DCX: variants seen among roughly 807,000 people sequenced by gnomAD.
DCX encodes doublecortin.
DCX carries 4 observed loss-of-function variants against 20.9 expected under a neutral mutation model. That is an observed-to-expected ratio of 0.19 (90% CI 0.09 to 0.44). DCX has a LOEUF of 0.44. Ranked by LOEUF, DCX falls within the 20% of genes least tolerant of loss-of-function variation. The pLI is 0.99. For missense variants in DCX, 133 were observed against 296.9 expected (o/e 0.45, Z 4.06); for synonymous variants, 103 against 111.4 (o/e 0.92, Z 0.47).
At chrX:111,384,189 A>G (rs981066297) in intron 3 of DCX, among the ~76,000 whole-genome samples, 1 of 111,632 alleles carries the variant, frequency 9.0e-6, no homozygotes, top group Non-Finnish European at 1.9e-5. Flanking sequence ...AACATTTCAG[A>G]AATATTGCCC....
rs780264779 is a variant in DCX at position 111,301,604 on chromosome X, C to T, written c.*83G>A. On this transcript the variant is annotated 3_prime_UTR_variant, in exon 7 of 7. Transcript: ENST00000636035. ...ATAAAAACTTGAAAGCACCAATAGC[C>T]CTGTTGGACACTTGAGCAGAAGTAC... The T allele has an allele frequency of 1.8e-5, 17 of 932,807 alleles. No individual in the cohort carries two copies. The South Asian group carries it at 2.7e-4, about 15-fold the overall frequency. The allele number at this position is 932,807 out of a possible 1,213,427, so 76.9% of individuals were successfully genotyped here.
chrX:111,316,086 T>TAAAAAAAAAAAAA (rs754058802), intron 5 of DCX, among the ~76,000 whole-genome samples: 4 of 50,645 alleles, frequency 7.9e-5, no homozygotes, highest in Admixed American at 2.3e-4. Flanking sequence ...TAATAAAAAA[T>TAAAAAAAAAAAAA]AAAAAAAAAA....
At position 111,410,343 on chromosome X, in the gene DCX, C is replaced by T. The variant is rs1928603936; in HGVS notation, c.56G>A (p.Arg19Gln). ...DERDKTSRNM[R>Q]GSRMNGLPSP... ...AGGCAACCCATTCATCCGGGAGCCTCGCATGTTCCTGGATGTCTTATCTCT... is the reference window on the plus strand; with the variant it reads ...AGGCAACCCATTCATCCGGGAGCCTTGCATGTTCCTGGATGTCTTATCTCT... Residue 19 changes from arginine (R) to glutamine (Q), a missense_variant, in exon 2 of 7, where the codon CGA becomes CAA. By Grantham distance (43) the Arg-to-Gln change is conservative (BLOSUM62 1). This residue lies in a region of DCX where 65 missense variants were observed against 212.6 expected (regional missense o/e 0.31). Transcript: ENST00000636035. 8.3e-7 allele frequency: 1 copy of T among 1,209,012 alleles called. No individual in the cohort carries two copies. Among genetic ancestry groups the T allele is most frequent in the African/African-American group, 1.8e-5 (1 of 56,861 alleles).
At chrX:111,375,363 G>A (rs1245275027) in intron 3 of DCX, among the ~76,000 whole-genome samples, 1 of 111,174 alleles carries the variant, frequency 9.0e-6, no homozygotes, top group African/African-American at 3.3e-5. Context: ...TGGGGGAAAG[G>A]TACATGGTAG....
rs1037518425 is a variant in DCX at position 111,299,258 on chromosome X, C to T, written c.*2429G>A. On this transcript the variant is annotated 3_prime_UTR_variant, in exon 7 of 7. Coordinates refer to ENST00000636035, the MANE Select transcript of DCX (RefSeq NM_001195553.2). ...CAAAATGGCCATAAAGAAACATTTC[C>T]TTATACTCGATTAAAAGTAAGATGG... 9.0e-6 allele frequency: 1 copy of T among 111,520 alleles called. No homozygotes were observed. The highest frequency in any genetic ancestry group is 3.3e-5 in the African/African-American group (1 of 30,631). The allele number at this position is 111,520 out of a possible 1,213,427, so 9.2% of individuals were successfully genotyped here. A position where few individuals can be genotyped will look rare whatever the true frequency, so the allele number is the denominator to read the frequency against.
intron 5 of DCX, among the ~76,000 whole-genome samples, chrX:111,328,356 A>T (rs1294477597): frequency 1.8e-5 from 2 of 111,909 alleles, no homozygotes; most frequent in Non-Finnish European, 3.8e-5. Context: ...CTGATATTTT[A>T]GAGTCACTGA....
intron 6 of DCX, among the ~76,000 whole-genome samples, chrX:111,307,790 G>A (rs1317017689): frequency 1.8e-5 from 2 of 111,942 alleles, no homozygotes; most frequent in African/African-American, 6.5e-5. Context: ...GAACCACTGG[G>A]CTTTAGTATT....
At chrX:111,322,069 T>C (rs949858589) in intron 5 of DCX, among the ~76,000 whole-genome samples, 3 of 112,333 alleles carry the variant, frequency 2.7e-5, no homozygotes, top group African/African-American at 6.5e-5. Flanking sequence ...CCCCAGTTTA[T>C]CAAAAGAGCT....
chrX:111,301,738 C>T lies in DCX; in HGVS notation c.1050G>A (p.Leu350=), dbSNP rs777436472. The change falls in exon 7 of 7, where the codon CTG becomes CTA. Residue 350 remains leucine (L), a synonymous_variant. Coordinates refer to ENST00000636035, the MANE Select transcript of DCX (RefSeq NM_001195553.2). ...PGSLRKHKVD[L]YLPLSLDDSD... is the part of the protein sequence containing the mutation. ...AGTCATCCAAGGACAGAGGCAGGTA[C>T]AGGTCCTATAAGAAGAGAAGAGACA... 2.5e-6 allele frequency: 3 copies of T among 1,210,468 alleles called. No homozygotes were observed. The highest frequency in any genetic ancestry group is 2.2e-6 in the Non-Finnish European group (2 of 894,489).
intron 5 of DCX, among the ~76,000 whole-genome samples, chrX:111,312,951 G>T (rs979007255): frequency 5.4e-5 from 6 of 111,878 alleles, no homozygotes; most frequent in African/African-American, 1.9e-4. Context: ...GTGCAAGGCC[G>T]TCATCCTCCC....
chrX:111,353,752 G>A (rs754375566), intron 3 of DCX, among the ~76,000 whole-genome samples: 2 of 111,339 alleles, frequency 1.8e-5, no homozygotes, highest in African/African-American at 3.3e-5. Flanking sequence ...CAGCCACCAC[G>A]GTAACTGTTA....
At chrX:111,373,761 T>C (rs1022820796) in intron 3 of DCX, among the ~76,000 whole-genome samples, 1 of 111,733 alleles carries the variant, frequency 8.9e-6, no homozygotes, top group African/African-American at 3.3e-5. Flanking sequence ...ATGCACCAGG[T>C]ACTTTACAAC....
chrX:111,385,654 AAAAAAGAAAGAAAAG>A (rs1268236666), intron 3 of DCX, among the ~76,000 whole-genome samples: 66 of 109,179 alleles, frequency 6.0e-4, no homozygotes, highest in Middle Eastern at 9.4e-3. Flanking sequence ...AGAATCTGTC[AAAAAAGAAAGAAAAG>A]AAAAAGAAAG....
intron 3 of DCX, among the ~76,000 whole-genome samples, chrX:111,389,636 T>C (rs925363749): frequency 9.8e-5 from 11 of 111,757 alleles, no homozygotes; most frequent in African/African-American, 3.6e-4. Flanking sequence ...AAGGATCACT[T>C]GAGCCCCAGA....
chrX:111,368,423 A>G (rs2147704653), intron 3 of DCX, among the ~76,000 whole-genome samples: 1 of 111,750 alleles, frequency 8.9e-6, no homozygotes, highest in Non-Finnish European at 1.9e-5. Context: ...TAATTTAAAG[A>G]GCTTCCAGAA....
intron 3 of DCX, among the ~76,000 whole-genome samples, chrX:111,356,441 G>A (rs1390702334): frequency 8.9e-6 from 1 of 112,901 alleles, no homozygotes; most frequent in African/African-American, 3.2e-5. Context: ...AGAGAATACA[G>A]AAGATCCTTA....
chrX:111,394,689 T>C (rs1386558811), intron 3 of DCX, among the ~76,000 whole-genome samples: 1 of 111,968 alleles, frequency 8.9e-6, no homozygotes, highest in Non-Finnish European at 1.9e-5. Context: ...ATCTCTTCAG[T>C]CTACTCAAGA....
chrX:111,373,732 C>A (rs1012816758), intron 3 of DCX, among the ~76,000 whole-genome samples: 1 of 111,350 alleles, frequency 9.0e-6, no homozygotes, highest in African/African-American at 3.3e-5. Context: ...TGAATATATG[C>A]CATTTTTGAG....
chrX:111,320,170 C>A (rs1467194409), intron 5 of DCX, among the ~76,000 whole-genome samples: 1 of 112,061 alleles, frequency 8.9e-6, no homozygotes, highest in Non-Finnish European at 1.9e-5. Flanking sequence ...GTAATGTAGA[C>A]TTGCACAGTT....
Sources: allele counts gnomAD v4.1 joint callset (sites outside exome capture counted in the v4.1 genomes callset), GRCh38; gene constraint gnomAD v4.1.1; regional missense constraint gnomAD v4.1.1; transcripts MANE v1.5; gene names NCBI Gene and HGNC (gene_info 2026-07-23, HGNC 2026-07-21).